CNTNAP2: variants seen among roughly 807,000 people sequenced by gnomAD.
CNTNAP2 encodes contactin associated protein 2, also known as contactin-associated protein-like 2.
Under a neutral mutation model 155.2 loss-of-function variants are expected in CNTNAP2, and 98 were observed. The observed-to-expected ratio is 0.63, with a 90% confidence interval of 0.54 to 0.75. The LOEUF is 0.75. Among genes scored for constraint, CNTNAP2 ranks in the 30% least tolerant of loss-of-function variants. The pLI is 0.00. For synonymous variants in CNTNAP2, 651 were observed against 631.2 expected (o/e 1.03, Z -0.47); for missense variants, 1,727 against 1,688.1 (o/e 1.02, Z -0.40).
chr7:146,381,990 G>C (rs1328404497), intron 1 of CNTNAP2, among the ~76,000 whole-genome samples: 1 of 152,176 alleles, frequency 6.6e-6, no homozygotes, highest in East Asian at 1.9e-4. Flanking sequence ...TTTGGAACTT[G>C]AATGTTGTTA....
chr7:147,271,762 C>A (rs144704566), intron 8 of CNTNAP2, among the ~76,000 whole-genome samples: 1 of 152,096 alleles, frequency 6.6e-6, no homozygotes, highest in Non-Finnish European at 1.5e-5. Flanking sequence ...CATGATTCAG[C>A]GATCTCCTAC....
rs569458728 is a variant in CNTNAP2 at position 146,822,832 on chromosome 7, T to G, written c.209-16879T>G. On this transcript the variant is annotated intron_variant, in intron 2 of 23. Coordinates refer to ENST00000361727, the MANE Select transcript of CNTNAP2 (RefSeq NM_014141.6). ...ACTCATTCTTCAGCATATTTAAATA[T>G]AAATATACTCGTTCTTCAGCATATT... Among the ~76,000 whole-genome samples, 19 of 149,356 alleles carry G rather than the reference T, an allele frequency of 1.3e-4. No individual in the cohort carries two copies. The East Asian group carries it at 3.6e-3, about 28-fold the overall frequency.
At position 148,415,316 on chromosome 7, in the gene CNTNAP2, G is replaced by C. The variant is rs73473910; in HGVS notation, c.3797-101G>C. On this transcript the variant is annotated intron_variant, in intron 23 of 23. Transcript: ENST00000361727. ...TTGTTTTGGAGGTTGTGTTTTATAT[G>C]GGAGAGGGCTGTGTCTGACGGAGCT... The C allele has an allele frequency of 0.036, 42,924 of 1,190,254 alleles. 2,712 individuals carry two copies. The highest frequency in any genetic ancestry group is 0.25 in the African/African-American group (16,470 of 66,770). The allele number at this position is 1,190,254 out of a possible 1,614,324, so 73.7% of individuals were successfully genotyped here.
intron 15 of CNTNAP2, among the ~76,000 whole-genome samples, chr7:148,091,094 G>A (rs971357528): frequency 9.9e-5 from 15 of 152,006 alleles, no homozygotes; most frequent in African/African-American, 1.2e-4. Context: ...GTAGATCTTA[G>A]CCAAAGGACA....
In CNTNAP2 at chr7:147,137,115, T is replaced by C. The variant is rs549086134; in HGVS notation, c.1348+4606T>C. ...ATAAAGAAGCACCCAGAGTTATTTA[T>C]CACAACATATATACAATAACCAAAG... On this transcript the variant is annotated intron_variant, in intron 8 of 23. Coordinates refer to ENST00000361727, the MANE Select transcript of CNTNAP2 (RefSeq NM_014141.6). Among the ~76,000 whole-genome samples the C allele has an allele frequency of 5.9e-5, 9 of 151,778 alleles. No individual in the cohort carries two copies. In the Middle Eastern group the frequency reaches 0.012, roughly 206 times the overall value.
chr7:147,751,416 T>G (rs1244575913), intron 13 of CNTNAP2, among the ~76,000 whole-genome samples: 1 of 144,586 alleles, frequency 6.9e-6, no homozygotes, highest in Non-Finnish European at 1.5e-5. Context: ...AAAAGGAAAT[T>G]AGTCTTTAAA....
intron 1 of CNTNAP2, among the ~76,000 whole-genome samples, chr7:146,514,215 T>C (rs1797509205): frequency 6.6e-6 from 1 of 152,042 alleles, no homozygotes. Context: ...GATAGTATCA[T>C]TTGGGTTGTA....
In CNTNAP2 at chr7:148,077,938, C is replaced by A. The variant is rs138852579; in HGVS notation, c.2384-40180C>A. On this transcript the variant is annotated intron_variant, in intron 15 of 23. Coordinates refer to ENST00000361727, the MANE Select transcript of CNTNAP2 (RefSeq NM_014141.6). Reference sequence around the variant, plus strand: ...CTGCCAAAATAAACTCCTTCTCATACAAAGTCTGGGATTATACCACAGAGT... The same window carrying A: ...CTGCCAAAATAAACTCCTTCTCATAAAAAGTCTGGGATTATACCACAGAGT... Among the ~76,000 whole-genome samples, 14 of 152,266 alleles carry A rather than the reference C, an allele frequency of 9.2e-5. No individual in the cohort carries two copies. The East Asian group carries it at 2.7e-3, about 29-fold the overall frequency.
intron 1 of CNTNAP2, among the ~76,000 whole-genome samples, chr7:146,492,128 T>G (rs1429642095): frequency 1.3e-5 from 2 of 151,972 alleles, no homozygotes; most frequent in African/African-American, 4.8e-5. Context: ...AAACTTATTT[T>G]GCGAGTTTTC....
intron 13 of CNTNAP2, among the ~76,000 whole-genome samples, chr7:147,787,858 G>A (rs1797762351): frequency 6.6e-6 from 1 of 152,152 alleles, no homozygotes. Context: ...ATGCTGTAAT[G>A]AATATGGAAA....
intron 14 of CNTNAP2, among the ~76,000 whole-genome samples, chr7:147,925,049 G>T (rs951152228): frequency 6.6e-6 from 1 of 151,672 alleles, no homozygotes; most frequent in African/African-American, 2.4e-5. Context: ...AATCTGGGAG[G>T]CAGAGGTTGC....
chr7:146,223,581 A>G (rs2539745), intron 1 of CNTNAP2, among the ~76,000 whole-genome samples: 106,466 of 152,028 alleles, frequency 0.7, 38,113 homozygotes, highest in East Asian at 0.94. Flanking sequence ...TCTGGCACAC[A>G]GCTGGAATGC....
At chr7:147,583,662 C>T (rs770215982) in intron 12 of CNTNAP2, among the ~76,000 whole-genome samples, 60 of 151,880 alleles carry the variant, frequency 4.0e-4, no homozygotes, top group Middle Eastern at 3.4e-3. Flanking sequence ...TAATTGTATT[C>T]CTCACATGTC....
rs77755858 is a variant in CNTNAP2 at position 147,395,545 on chromosome 7, C to T, written c.1499-64C>T. The T allele has an allele frequency of 1.3e-3, 2,050 of 1,546,540 alleles. 4 individuals carry two copies. The highest frequency in any genetic ancestry group is 1.7e-3 in the Non-Finnish European group (1,863 of 1,120,978). ...TGGCTGTGGCCAGGTAGAATACCCA[C>T]AAGAATTTTAGTGAAGGTTATACTG... On this transcript the variant is annotated intron_variant, in intron 9 of 23. Transcript: ENST00000361727.
At chr7:146,796,800 T>C (rs1352545894) in intron 2 of CNTNAP2, among the ~76,000 whole-genome samples, 1 of 151,954 alleles carries the variant, frequency 6.6e-6, no homozygotes, top group African/African-American at 2.4e-5. Context: ...ATACATGTAA[T>C]GCATTTCAAG....
At chr7:147,866,631 G>A (rs946347265) in intron 13 of CNTNAP2, among the ~76,000 whole-genome samples, 10 of 152,196 alleles carry the variant, frequency 6.6e-5, no homozygotes, top group South Asian at 6.2e-4. Flanking sequence ...TATATATTTC[G>A]GATAGTTAGC....
At chr7:147,480,345 G>T (rs1798399311) in intron 10 of CNTNAP2, among the ~76,000 whole-genome samples, 1 of 152,132 alleles carries the variant, frequency 6.6e-6, no homozygotes, top group Non-Finnish European at 1.5e-5. Context: ...TTAGAACAAG[G>T]CATATTTAAT....
chr7:146,578,544 T>C (rs1416617902), intron 1 of CNTNAP2, among the ~76,000 whole-genome samples: 4 of 152,174 alleles, frequency 2.6e-5, no homozygotes, highest in Non-Finnish European at 5.9e-5. Flanking sequence ...AGGGATTCCG[T>C]AAGAGGTTAC....
chr7:146,685,329 G>C (rs532322594), intron 1 of CNTNAP2, among the ~76,000 whole-genome samples: 1 of 152,098 alleles, frequency 6.6e-6, no homozygotes, highest in Non-Finnish European at 1.5e-5. Flanking sequence ...ATGATTTTAT[G>C]ATTGCCAGGG....
Sources: allele counts gnomAD v4.1 joint callset (sites outside exome capture counted in the v4.1 genomes callset), GRCh38; gene constraint gnomAD v4.1.1; transcripts MANE v1.5; gene names NCBI Gene and HGNC (gene_info 2026-07-23, HGNC 2026-07-21).